Variants in ADARB2 observed in about 807,000 individuals in gnomAD.
ADARB2 encodes the protein adenosine deaminase RNA specific B2 (inactive).
In ADARB2, 25 loss-of-function variants were observed where a neutral mutation model predicts 62.2. That is an observed-to-expected ratio of 0.40 (90% confidence interval 0.29 to 0.56). The LOEUF is 0.56. ADARB2 is among the 20% of genes least tolerant of loss of function. The probability of loss-of-function intolerance (pLI) is 0.43; values close to 1 mark genes in which losing one functional copy is unlikely to be tolerated. For synonymous variants in ADARB2, 572 were observed against 500.8 expected, an observed-to-expected ratio of 1.14 and a Z score of -1.90; for missense variants, 1,071 against 1,077.4, an observed-to-expected ratio of 0.99 and a Z score of 0.08.
At chr10:1,597,232 G>C (rs7918273) in intron 1 of ADARB2, among the ~76,000 whole-genome samples, 1 of 152,032 alleles carries the variant, frequency 6.6e-6, no homozygotes, top group Non-Finnish European at 1.5e-5. Context: ...TTTCTCTTTT[G>C]GGGGAGGGGG....
intron 1 of ADARB2, among the ~76,000 whole-genome samples, chr10:1,694,788 G>C (rs1425903711): frequency 2.6e-5 from 4 of 152,194 alleles, no homozygotes; most frequent in African/African-American, 9.7e-5. Flanking sequence ...GCTCAGAGCC[G>C]AGGGAGGGAG....
intron 8 of ADARB2, among the ~76,000 whole-genome samples, chr10:1,194,523 T>C (rs1028256471): frequency 3.4e-5 from 3 of 88,094 alleles, no homozygotes; most frequent in Non-Finnish European, 7.0e-5. Flanking sequence ...TATCTATCTA[T>C]CTAATCTATC....
At chr10:1,574,235 A>C (rs541783917) in intron 1 of ADARB2, among the ~76,000 whole-genome samples, 49 of 152,310 alleles carry the variant, frequency 3.2e-4, no homozygotes, top group African/African-American at 1.2e-3. Flanking sequence ...AGCATGAAGG[A>C]AACAGCCGGT....
intron 1 of ADARB2, among the ~76,000 whole-genome samples, chr10:1,519,447 A>C (rs1038856802): frequency 1.3e-5 from 2 of 152,176 alleles, no homozygotes; most frequent in Admixed American, 6.5e-5. Flanking sequence ...ATATGAATGC[A>C]TTCTGTGTAA....
chr10:1,480,394 A>T (rs1831451562), intron 1 of ADARB2, among the ~76,000 whole-genome samples: 1 of 152,210 alleles, frequency 6.6e-6, no homozygotes, highest in African/African-American at 2.4e-5. Context: ...ATCAATCTGA[A>T]AAGGAAATTA....
intron 1 of ADARB2, among the ~76,000 whole-genome samples, chr10:1,677,936 T>C (rs142714203): frequency 6.6e-6 from 1 of 152,320 alleles, no homozygotes; most frequent in African/African-American, 2.4e-5. Context: ...AATAAGGCTT[T>C]ATGTCTTTTC....
intron 1 of ADARB2, among the ~76,000 whole-genome samples, chr10:1,529,082 G>A (rs11250586): frequency 1.2e-5 from 1 of 85,836 alleles, no homozygotes; most frequent in African/African-American, 3.2e-5. Context: ...CACCCACCAT[G>A]CCCAACACCA....
intron 1 of ADARB2, among the ~76,000 whole-genome samples, chr10:1,461,978 G>A (rs1831180384): frequency 6.6e-6 from 1 of 152,098 alleles, no homozygotes; most frequent in Admixed American, 6.5e-5. Flanking sequence ...CTCCAGCCTG[G>A]GCAACAGAGT....
At chr10:1,448,469 C>T (rs1469096776) in intron 1 of ADARB2, among the ~76,000 whole-genome samples, 1 of 152,202 alleles carries the variant, frequency 6.6e-6, no homozygotes, top group Non-Finnish European at 1.5e-5. Context: ...CTGCCCAAAT[C>T]CCTCCTCCTT....
chr10:1,268,370 A>C (rs999640876), intron 4 of ADARB2, among the ~76,000 whole-genome samples: 1 of 152,314 alleles, frequency 6.6e-6, no homozygotes, highest in Admixed American at 6.5e-5. Flanking sequence ...ACTTCTGTTC[A>C]TAAGTATATA....
intron 1 of ADARB2, among the ~76,000 whole-genome samples, chr10:1,724,072 C>G (rs1835131730): frequency 6.6e-6 from 1 of 152,160 alleles, no homozygotes; most frequent in South Asian, 2.1e-4. Context: ...GCATTTAAGT[C>G]CTGACCTGTG....
chr10:1,620,993 C>G (rs1833697477), intron 1 of ADARB2, among the ~76,000 whole-genome samples: 1 of 152,174 alleles, frequency 6.6e-6, no homozygotes, highest in African/African-American at 2.4e-5. Flanking sequence ...ATCACTCATG[C>G]CCAGCTCCAT....
intron 1 of ADARB2, among the ~76,000 whole-genome samples, chr10:1,708,618 C>T (rs773846393): frequency 3.3e-5 from 5 of 152,006 alleles, no homozygotes; most frequent in Non-Finnish European, 5.9e-5. Context: ...TGGGGGCAGC[C>T]GGGGTCCTGG....
At chr10:1,729,009 G>GA (rs1835199823) in intron 1 of ADARB2, among the ~76,000 whole-genome samples, 1 of 152,240 alleles carries the variant, frequency 6.6e-6, no homozygotes, top group Admixed American at 6.5e-5. Context: ...TTCTTCTTCA[G>GA]AAAAAATTGG....
chr10:1,525,120 C>T (rs934365326), intron 1 of ADARB2, among the ~76,000 whole-genome samples: 4 of 152,124 alleles, frequency 2.6e-5, no homozygotes, highest in African/African-American at 9.7e-5. Flanking sequence ...GGAAACCACC[C>T]CAGAAAACAC....
At chr10:1,307,966 A>G (rs896686816) in intron 3 of ADARB2, among the ~76,000 whole-genome samples, 9 of 143,320 alleles carry the variant, frequency 6.3e-5, no homozygotes, top group African/African-American at 2.3e-4. Flanking sequence ...GCATTGGGAG[A>G]TATACCTAAT....
intron 1 of ADARB2, among the ~76,000 whole-genome samples, chr10:1,717,156 C>CTTTT (rs397969884): frequency 0.012 from 767 of 63,220 alleles, 42 homozygotes; most frequent in African/African-American, 0.042. Context: ...TTGTAGTGTG[C>CTTTT]TTTTTTTTTT....
At chr10:1,658,925 G>T (rs1834207160) in intron 1 of ADARB2, among the ~76,000 whole-genome samples, 1 of 152,224 alleles carries the variant, frequency 6.6e-6, no homozygotes, top group African/African-American at 2.4e-5. Flanking sequence ...GCCAAGTGGG[G>T]AGAAAGGGTT....
intron 1 of ADARB2, among the ~76,000 whole-genome samples, chr10:1,633,459 T>A (rs1833866908): frequency 6.6e-6 from 1 of 152,142 alleles, no homozygotes; most frequent in African/African-American, 2.4e-5. Context: ...TTGAAAATAT[T>A]CCAAAATCTG....
Sources: gnomAD v4.1 joint callset for allele counts (sites outside exome capture counted in the v4.1 genomes callset) on GRCh38, gnomAD v4.1.1 for gene constraint, MANE v1.5 for transcripts, NCBI Gene and HGNC (gene_info 2026-07-23, HGNC 2026-07-21) for gene names.